Variants in SSH2 observed in about 807,000 individuals in gnomAD.
SSH2 encodes protein phosphatase Slingshot homolog 2.
SSH2 carries 37 observed loss-of-function variants against 135.2 expected under a neutral mutation model. The ratio of observed to expected loss-of-function variants is 0.27; its 90% CI spans 0.21 to 0.36. The LOEUF (loss-of-function observed/expected upper bound fraction) is 0.36, where lower values mean the gene tolerates loss of function less well. Ranked by LOEUF, SSH2 falls within the 10% of genes least tolerant of loss-of-function variation. The pLI, the probability that SSH2 is intolerant of heterozygous loss-of-function variation, is 1.00. For synonymous variants in SSH2, 628 were observed against 646.2 expected, an observed-to-expected ratio of 0.97 and a Z score of 0.43; for missense variants, 1,408 against 1,765.3, an observed-to-expected ratio of 0.80 and a Z score of 3.63.
intron 3 of SSH2, among the ~76,000 whole-genome samples, chr17:29,723,435 A>C (rs904068292): frequency 6.6e-6 from 1 of 152,246 alleles, no homozygotes; most frequent in African/African-American, 2.4e-5. Context: ...TATAGTGCCC[A>C]GTGTAACGCT....
intron 3 of SSH2, among the ~76,000 whole-genome samples, chr17:29,713,875 A>G (rs901587803): frequency 6.6e-6 from 1 of 152,002 alleles, no homozygotes; most frequent in Non-Finnish European, 1.5e-5. Flanking sequence ...CTCACCCCCA[A>G]ACAAAAACCT....
intron 9 of SSH2, among the ~76,000 whole-genome samples, chr17:29,670,481 A>G (rs2037448411): frequency 6.6e-6 from 1 of 152,218 alleles, no homozygotes; most frequent in Admixed American, 6.5e-5. Context: ...CAATTTTTGG[A>G]AAGTTCACCT....
At chr17:29,778,515 C>T (rs1163284067) in intron 3 of SSH2, among the ~76,000 whole-genome samples, 1 of 152,052 alleles carries the variant, frequency 6.6e-6, no homozygotes, top group East Asian at 1.9e-4. Context: ...TGATGTGCAT[C>T]TGTAATCCCA....
At chr17:29,880,884 G>C (rs549415393) in intron 1 of SSH2, among the ~76,000 whole-genome samples, 1 of 152,226 alleles carries the variant, frequency 6.6e-6, no homozygotes, top group East Asian at 1.9e-4. Context: ...AAGCCAATTA[G>C]GGCTAGACCT....
intron 11 of SSH2, among the ~76,000 whole-genome samples, chr17:29,659,595 A>T (rs942790405): frequency 2.2e-4 from 33 of 152,016 alleles, no homozygotes; most frequent in African/African-American, 7.7e-4. Flanking sequence ...ACCATCTCGG[A>T]TCACTGCAAG....
At chr17:29,688,103 C>T (rs2321330) in intron 5 of SSH2, among the ~76,000 whole-genome samples, 6,289 of 151,736 alleles carry the variant, frequency 0.041, 192 homozygotes, top group Non-Finnish European at 0.062. Flanking sequence ...CCCCGCCCCC[C>T]GGGTTCAAGC....
intron 1 of SSH2, among the ~76,000 whole-genome samples, chr17:29,908,393 G>C (rs1203104153): frequency 1.3e-5 from 2 of 152,122 alleles, no homozygotes; most frequent in Non-Finnish European, 2.9e-5. Flanking sequence ...AGGAGATCAA[G>C]GCTGCGGTAT....
chr17:29,733,317 A>G (rs1189475746), intron 3 of SSH2, among the ~76,000 whole-genome samples: 2 of 152,266 alleles, frequency 1.3e-5, no homozygotes, highest in African/African-American at 2.4e-5. Context: ...AAACCCCACT[A>G]ACAACCAGAT....
At chr17:29,836,982 C>T (rs908073811) in intron 2 of SSH2, among the ~76,000 whole-genome samples, 9 of 152,246 alleles carry the variant, frequency 5.9e-5, no homozygotes, top group Admixed American at 4.6e-4. Flanking sequence ...TTAGGCTGGG[C>T]GTGGTGGCTC....
chr17:29,853,436 A>T (rs2065603953), intron 1 of SSH2, among the ~76,000 whole-genome samples: 1 of 151,496 alleles, frequency 6.6e-6, no homozygotes, highest in Non-Finnish European at 1.5e-5. Flanking sequence ...CTTTACCTCA[A>T]CCTTGTTGCC....
At chr17:29,647,125 G>A (rs1372459047) in intron 14 of SSH2, among the ~76,000 whole-genome samples, 1 of 151,864 alleles carries the variant, frequency 6.6e-6, no homozygotes, top group African/African-American at 2.4e-5. Flanking sequence ...AGCCAGGCAT[G>A]GTGGCGGGCA....
At chr17:29,681,517 C>T (rs546641412) in intron 6 of SSH2, among the ~76,000 whole-genome samples, 1 of 151,000 alleles carries the variant, frequency 6.6e-6, no homozygotes, top group South Asian at 2.1e-4. Flanking sequence ...TTATTTAGTG[C>T]CTACTATGTA....
chr17:29,907,016 T>C (rs1599174320), intron 1 of SSH2, among the ~76,000 whole-genome samples: 1 of 152,170 alleles, frequency 6.6e-6, no homozygotes, highest in Non-Finnish European at 1.5e-5. Flanking sequence ...TACTGGTATA[T>C]ACCCAGAGGA....
At chr17:29,896,432 T>C (rs1406539764) in intron 1 of SSH2, among the ~76,000 whole-genome samples, 2 of 149,088 alleles carry the variant, frequency 1.3e-5, no homozygotes. Flanking sequence ...GTATAAAATA[T>C]ATAAAATATA....
chr17:29,685,669 A>T (rs2038181679), intron 5 of SSH2, among the ~76,000 whole-genome samples: 2 of 151,064 alleles, frequency 1.3e-5, no homozygotes, highest in African/African-American at 4.9e-5. Flanking sequence ...CACGCCTGTA[A>T]TCCCAGCTAC....
At chr17:29,667,414 G>A (rs1014515870) in intron 9 of SSH2, among the ~76,000 whole-genome samples, 191 bp from the exon 10 acceptor site, 1 of 152,182 alleles carries the variant, frequency 6.6e-6, no homozygotes, top group African/African-American at 2.4e-5. Flanking sequence ...TAGAAGCCGG[G>A]CAGCAGAACA....
intron 1 of SSH2, among the ~76,000 whole-genome samples, chr17:29,910,072 A>G (rs1029424472): frequency 4.6e-5 from 7 of 152,260 alleles, no homozygotes; most frequent in African/African-American, 7.2e-5. Flanking sequence ...CAGCCTCCCA[A>G]GTAGCTGGGA....
chr17:29,737,673 TACA>T (rs2040416425), intron 3 of SSH2, among the ~76,000 whole-genome samples: 1 of 152,202 alleles, frequency 6.6e-6, no homozygotes, highest in Admixed American at 6.5e-5. Context: ...GATGCTGAAA[TACA>T]ACAACACAGG....
chr17:29,637,019 C>T (rs1000699114), intron 14 of SSH2, among the ~76,000 whole-genome samples: 2 of 152,134 alleles, frequency 1.3e-5, no homozygotes, highest in African/African-American at 4.8e-5. Context: ...ATCAGTCTGA[C>T]AGGAATTAAA....
Sources: gnomAD v4.1 joint callset for allele counts (sites outside exome capture counted in the v4.1 genomes callset) on GRCh38, gnomAD v4.1.1 for gene constraint, MANE v1.5 for transcripts, NCBI Gene and HGNC (gene_info 2026-07-23, HGNC 2026-07-21) for gene names.